ANXA4: variants seen among roughly 807,000 people sequenced by gnomAD.
ANXA4 encodes the protein 35-beta calcimedin.
ANXA4 carries 39 observed loss-of-function variants against 49.8 expected under a neutral mutation model. The observed-to-expected ratio is 0.78, with a 90% CI of 0.61 to 1.02. ANXA4 has a LOEUF of 1.02. Ranked by LOEUF, ANXA4 falls within the 50% of genes least tolerant of loss-of-function variation. The pLI is 0.00. For missense variants in ANXA4, 360 were observed against 410.1 expected, an observed-to-expected ratio of 0.88 and a Z score of 1.05; for synonymous variants, 134 against 152.5, an observed-to-expected ratio of 0.88 and a Z score of 0.89.
intron 7 of ANXA4, among the ~76,000 whole-genome samples, chr2:69,812,027 T>C (rs758735174): frequency 6.6e-6 from 1 of 152,106 alleles, no homozygotes; most frequent in Non-Finnish European, 1.5e-5. Context: ...TGAGCTGGTG[T>C]TGGTGAGGGG....
At chr2:69,822,254 A>AG (rs1471378104) in intron 12 of ANXA4, among the ~76,000 whole-genome samples, 1 of 151,996 alleles carries the variant, frequency 6.6e-6, no homozygotes, top group Non-Finnish European at 1.5e-5. Context: ...CCAGCTACTC[A>AG]GGAGGCTGAG....
intron 11 of ANXA4, among the ~76,000 whole-genome samples, chr2:69,819,591 C>G (rs1032910952): frequency 6.6e-5 from 10 of 152,222 alleles, no homozygotes; most frequent in South Asian, 4.1e-4. Flanking sequence ...TTACTAACCT[C>G]CAATTTACAG....
chr2:69,816,529 T>C (rs544652266), intron 9 of ANXA4: 4 of 204,274 alleles, frequency 2.0e-5, no homozygotes, highest in African/African-American at 6.9e-5. Flanking sequence ...TAATCTGTAG[T>C]AGATCAGGTA....
chr2:69,702,217 T>A (rs1489706684), intron 2 of ANXA4, among the ~76,000 whole-genome samples: 1 of 152,042 alleles, frequency 6.6e-6, no homozygotes, highest in Non-Finnish European at 1.5e-5. Context: ...TTTGCCATGT[T>A]GGCCAGGCTG....
intron 2 of ANXA4, among the ~76,000 whole-genome samples, chr2:69,697,696 G>C (rs770834042): frequency 8.5e-5 from 13 of 152,124 alleles, no homozygotes; most frequent in Non-Finnish European, 1.6e-4. Flanking sequence ...CCATCGTAGG[G>C]TTGTTAATTG....
rs201603508 is a variant in ANXA4, at chr2:69,648,879, C to CTTTTT, written n.481+3977_481+3978insTTTTT. On this transcript the variant is annotated intron_variant and non_coding_transcript_variant, in intron 1 of 3. Coordinates refer to the ANXA4 transcript ENST00000418066. ...ATTTTTTTAATTTTTAATTTTCTTT[C>CTTTTT]TTTCTTTTCTTTTTTTTTTTTTTTG... Among the ~76,000 whole-genome samples the CTTTTT allele has an allele frequency of 2.2e-4, 25 of 113,468 alleles. 1 individual carries two copies. The highest frequency in any genetic ancestry group is 1.4e-3 in the East Asian group (4 of 2,804). 74.4% of individuals were successfully genotyped at this position (113,468 alleles called of 152,430 possible).
At chr2:69,704,399 T>C (rs544648394) in intron 2 of ANXA4, among the ~76,000 whole-genome samples, 46 of 152,322 alleles carry the variant, frequency 3.0e-4, no homozygotes, top group African/African-American at 1.1e-3. Context: ...ATACTTAGCG[T>C]CTTAAAATAA....
chr2:69,740,217 T>C (rs887171770), upstream of ANXA4, among the ~76,000 whole-genome samples: 17 of 152,150 alleles, frequency 1.1e-4, no homozygotes, highest in Admixed American at 1.3e-4. Context: ...TTTTTCTTTT[T>C]CTTTTTTAGG....
intron 2 of ANXA4, among the ~76,000 whole-genome samples, chr2:69,664,778 C>T (rs62133968): frequency 0.21 from 31,245 of 152,084 alleles, 3,893 homozygotes; most frequent in South Asian, 0.29. Flanking sequence ...GTAGGCTTCT[C>T]GGACGGGTTT....
At chr2:69,716,183 G>A (rs1224906735) in intron 2 of ANXA4, among the ~76,000 whole-genome samples, 1 of 152,162 alleles carries the variant, frequency 6.6e-6, no homozygotes, top group Admixed American at 6.5e-5. Flanking sequence ...GAGAGAGAGA[G>A]CTGACAGCAT....
At chr2:69,648,888 C>CTTT (rs777450997) in intron 1 of ANXA4, among the ~76,000 whole-genome samples, 1 of 105,814 alleles carries the variant, frequency 9.5e-6, no homozygotes, top group African/African-American at 4.3e-5. Context: ...TCTTTCTTTT[C>CTTT]TTTTTTTTTT....
At chr2:69,702,292 T>C (rs1678355023) in intron 2 of ANXA4, among the ~76,000 whole-genome samples, 1 of 152,104 alleles carries the variant, frequency 6.6e-6, no homozygotes, top group South Asian at 2.1e-4. Flanking sequence ...GGATTACAGG[T>C]GTGAGCCACT....
intron 1 of ANXA4, among the ~76,000 whole-genome samples, chr2:69,764,534 G>A (rs567826791): frequency 1.3e-5 from 2 of 152,286 alleles, no homozygotes; most frequent in South Asian, 2.1e-4. Flanking sequence ...TCCCTGAGAG[G>A]CCACTGTGAG....
intron 7 of ANXA4, among the ~76,000 whole-genome samples, chr2:69,812,381 G>T (rs1260969960): frequency 6.6e-6 from 1 of 152,300 alleles, no homozygotes; most frequent in Middle Eastern, 3.4e-3. Flanking sequence ...GGAGATAGTG[G>T]AGGGAGCTGT....
intron 1 of ANXA4, among the ~76,000 whole-genome samples, chr2:69,778,497 T>C (rs1177044053): frequency 6.6e-6 from 1 of 152,122 alleles, no homozygotes; most frequent in Non-Finnish European, 1.5e-5. Context: ...AAAGTTGGGC[T>C]GGGCGCGGTG....
intron 3 of ANXA4, among the ~76,000 whole-genome samples, chr2:69,797,185 C>T (rs560064670): frequency 1.3e-4 from 20 of 152,320 alleles, no homozygotes; most frequent in Middle Eastern, 3.4e-3. Context: ...TGTTACCCAT[C>T]TGCAAAAGAG....
intron 2 of ANXA4, among the ~76,000 whole-genome samples, chr2:69,656,377 G>A (rs7576366): frequency 0.59 from 57,079 of 97,336 alleles, 17,034 homozygotes; most frequent in Non-Finnish European, 0.63. Flanking sequence ...GTGTATATAT[G>A]TGTATATATA....
intron 3 of ANXA4, among the ~76,000 whole-genome samples, chr2:69,731,248 C>T (rs1156979177): frequency 6.6e-6 from 1 of 152,180 alleles, no homozygotes; most frequent in Non-Finnish European, 1.5e-5. Context: ...TAATTAACTT[C>T]AGCACAACTG....
intron 2 of ANXA4, among the ~76,000 whole-genome samples, chr2:69,691,299 T>C (rs1677956289): frequency 6.6e-6 from 1 of 151,924 alleles, no homozygotes; most frequent in Non-Finnish European, 1.5e-5. Flanking sequence ...AATTTTTGTA[T>C]TTTTAGTAGA....
Sources: allele counts gnomAD v4.1 joint callset (sites outside exome capture counted in the v4.1 genomes callset), GRCh38; gene constraint gnomAD v4.1.1; transcripts MANE v1.5; gene names NCBI Gene and HGNC (gene_info 2026-07-23, HGNC 2026-07-21).